The following CIBAR2 variants were observed in gnomAD, a reference collection of about 807,000 sequenced individuals.
The protein encoded by CIBAR2 is CBY1-interacting BAR domain-containing protein 2.
A neutral mutation model predicts 36.2 loss-of-function variants in CIBAR2; 38 were observed. The ratio of observed to expected loss-of-function variants is 1.05; its 90% CI spans 0.81 to 1.38. The LOEUF (loss-of-function observed/expected upper bound fraction) is 1.38, where lower values mean the gene tolerates loss of function less well. Among genes scored for constraint, CIBAR2 ranks in the 40% most tolerant of loss-of-function variants. The pLI is 0.00. For missense variants in CIBAR2, 481 were observed against 383.4 expected, an observed-to-expected ratio of 1.25 and a Z score of -2.13; for synonymous variants, 182 against 149.5, an observed-to-expected ratio of 1.22 and a Z score of -1.58.
rs952264241 is a variant in CIBAR2, at chr16:85,108,489, C to T, written c.256-390G>A. Among the ~76,000 whole-genome samples the T allele has an allele frequency of 9.2e-5, 14 of 152,332 alleles. No individual in the cohort carries two copies. In the East Asian group the frequency reaches 1.4e-3, roughly 15 times the overall value. On this transcript the variant is annotated intron_variant, in intron 2 of 8. Coordinates refer to ENST00000539556, the MANE Select transcript of CIBAR2 (RefSeq NM_198491.3). ...TCTCTCTACACGACAGCCCTGGCCC[C>T]GTCTCCCAACTGCCACACAGGGTGG... is the stretch of plus-strand genomic sequence containing the variant.
chr16:85,112,358 C>G lies in CIBAR2; in HGVS notation c.-6G>C. On this transcript the variant is annotated 5_prime_UTR_variant, in exon 1 of 9. Transcript: ENST00000539556. Reference sequence around the variant, plus strand: ...CTGGAGAAGACGATGTTCATTGTGACCAGAGCTTTGGCTGTCCCGGTGCTG... The same window carrying G: ...CTGGAGAAGACGATGTTCATTGTGAGCAGAGCTTTGGCTGTCCCGGTGCTG... 1 of 1,613,934 alleles carries G rather than the reference C, an allele frequency of 6.2e-7. No individual in the cohort carries two copies. The highest frequency in any genetic ancestry group is 8.5e-7 in the Non-Finnish European group (1 of 1,179,840).
rs867391873 is a variant in CIBAR2, at chr16:85,102,285, C to T, written c.580G>A (p.Ala194Thr). Residue 194 changes from alanine to threonine, a missense_variant, in exon 7 of 9, where the codon GCC becomes ACC. Ala to Thr is a moderately conservative substitution (Grantham distance 58, BLOSUM62 0). Coordinates refer to ENST00000539556, the MANE Select transcript of CIBAR2 (RefSeq NM_198491.3). ...CTAGAATACACCTCCACCGCTTTGG[C>T]ATGGAAAACCATCTCAATAGTTACA... ...DFVTIEMVFH[A>T]KAVEVYSSAF... 4 of 1,613,662 alleles carry T rather than the reference C, an allele frequency of 2.5e-6. No homozygotes were observed. Among genetic ancestry groups the T allele is most frequent in the Non-Finnish European group, 2.5e-6 (3 of 1,179,624 alleles).
chr16:85,101,397 C>T (rs2073954206), intron 7 of CIBAR2, among the ~76,000 whole-genome samples: 1 of 152,154 alleles, frequency 6.6e-6, no homozygotes, highest in African/African-American at 2.4e-5. Flanking sequence ...AAGACAGCCC[C>T]AGCCTCTGAC....
intron 5 of CIBAR2, 53 bp downstream of exon 5, chr16:85,107,614 G>GT: frequency 6.3e-7 from 1 of 1,595,528 alleles, no homozygotes; most frequent in Non-Finnish European, 8.6e-7. Flanking sequence ...TTGTGAGGTC[G>GT]TGTATTTCCT....
chr16:85,102,058 C>T (rs1195554567), intron 7 of CIBAR2, among the ~76,000 whole-genome samples, 156 bp downstream of exon 7: 1 of 152,196 alleles, frequency 6.6e-6, no homozygotes. Context: ...TTGGCACCCA[C>T]CCAGGGGCAG....
chr16:85,100,813 C>T (rs944228948), intron 7 of CIBAR2, among the ~76,000 whole-genome samples: 21 of 152,104 alleles, frequency 1.4e-4, no homozygotes, highest in African/African-American at 4.1e-4. Flanking sequence ...TTTGGGAGGC[C>T]GAGGCGGGCA....
rs1049174047 is a variant in CIBAR2, at chr16:85,112,454, T to C, written c.-102A>G. ...CCGGGCAGGGCTGGGTGCAGCTGTG[T>C]GGCCTGGGCTCAAGGGACGCTGCCA... On this transcript the variant is annotated 5_prime_UTR_variant, in exon 1 of 9. Transcript: ENST00000539556. The C allele has an allele frequency of 9.0e-6, 11 of 1,224,752 alleles. No homozygotes were observed. The African/African-American group carries it at 1.0e-4, about 12-fold the overall frequency. 75.9% of individuals were successfully genotyped at this position (1,224,752 alleles called of 1,614,324 possible).
chr16:85,106,030 C>T (rs1019385927), intron 5 of CIBAR2, among the ~76,000 whole-genome samples: 1 of 152,148 alleles, frequency 6.6e-6, no homozygotes, highest in Non-Finnish European at 1.5e-5. Context: ...AAACCACCTT[C>T]GTGTTTGTGA....
In CIBAR2 at chr16:85,108,048, G is replaced by C. The variant is rs763635630; in HGVS notation, c.307C>G (p.Gln103Glu). 6.2e-7 allele frequency: 1 copy of C among 1,613,652 alleles called. No individual in the cohort carries two copies. The highest frequency in any genetic ancestry group is 8.5e-7 in the Non-Finnish European group (1 of 1,179,724). ...VVNPLKLYGA[Q>E]IKQTRAEIKK... ...CGGCTCACCCGTGTCTGCTTGATCT[G>C]TGCCCCGTAGAGCTTCAGGGGGTTG... The change falls in exon 3 of 9, where the codon CAG becomes GAG. Residue 103 changes from glutamine to glutamate, a missense_variant. By Grantham distance (29) the Gln-to-Glu change is conservative. Transcript: ENST00000539556.
chr16:85,099,832 G>C (rs1375249716), intron 8 of CIBAR2, among the ~76,000 whole-genome samples: 1 of 147,558 alleles, frequency 6.8e-6, no homozygotes, highest in Non-Finnish European at 1.5e-5. Flanking sequence ...AGTAGAGATG[G>C]GGGTTTCAAC....
chr16:85,101,008 T>C (rs927668878), intron 7 of CIBAR2, among the ~76,000 whole-genome samples: 1 of 150,540 alleles, frequency 6.6e-6, no homozygotes, highest in Non-Finnish European at 1.5e-5. Flanking sequence ...ATAGTGCCAC[T>C]GCACTCCAGC....
At chr16:85,100,908 G>C (rs768688578) in intron 7 of CIBAR2, among the ~76,000 whole-genome samples, 1 of 152,294 alleles carries the variant, frequency 6.6e-6, no homozygotes, top group Admixed American at 6.5e-5. Context: ...TTAGCTGGGC[G>C]TGATGGAGGG....
Position 85,107,859 on chromosome 16 carries a change from T to C in CIBAR2, c.413A>G (p.Asp138Gly). 6.2e-7 allele frequency: 1 copy of C among 1,613,762 alleles called. No homozygotes were observed. The highest frequency in any genetic ancestry group is 8.5e-7 in the Non-Finnish European group (1 of 1,179,640). ...LEKLRQKSPS[D>G]QQMISQAETR... ...AGGGAAGGATACGATCATTTGCTGA[T>C]CCGAGGGTGACTTCTGCCTCAGTTT... is the stretch of plus-strand genomic sequence containing the variant. Residue 138 changes from aspartate (D) to glycine (G), a missense_variant, in exon 4 of 9, where the codon GAT becomes GGT. Coordinates refer to ENST00000539556, the MANE Select transcript of CIBAR2 (RefSeq NM_198491.3).
intron 4 of CIBAR2, 80 bp downstream of exon 4, chr16:85,107,766 C>T: frequency 6.3e-7 from 1 of 1,589,330 alleles, no homozygotes; most frequent in Non-Finnish European, 8.6e-7. Flanking sequence ...CGGGCCCAGG[C>T]AAAGAAAACC....
At position 85,107,924 on chromosome 16, in the gene CIBAR2, A is replaced by G; in HGVS notation, c.348T>C (p.His116=). The G allele has an allele frequency of 1.2e-6, 2 of 1,614,110 alleles. No homozygotes were observed. Among genetic ancestry groups the G allele is most frequent in the Non-Finnish European group, 1.7e-6 (2 of 1,179,960 alleles). Residue 116 remains histidine, a synonymous_variant, in exon 4 of 9, where the codon CAT becomes CAC. Coordinates refer to ENST00000539556, the MANE Select transcript of CIBAR2 (RefSeq NM_198491.3). ...QTRAEIKKFK[H]VQNHEIKQLE... ...GTTGTTTGATCTCATGATTTTGGAC[A>G]TGTTTGAATTTCTTGATCTCAGCCT...
At chr16:85,103,199 G>C (rs1032384087) in intron 6 of CIBAR2, among the ~76,000 whole-genome samples, 2 of 152,158 alleles carry the variant, frequency 1.3e-5, no homozygotes, top group African/African-American at 4.8e-5. Flanking sequence ...AAAAAGACTG[G>C]AGGGAGCTTT....
intron 7 of CIBAR2, among the ~76,000 whole-genome samples, chr16:85,100,733 A>G (rs532017634): frequency 4.6e-4 from 70 of 152,330 alleles, no homozygotes; most frequent in African/African-American, 1.7e-3. Context: ...ACACTGGGTT[A>G]CTGCTGAAGT....
rs778742106 is a variant in CIBAR2, at chr16:85,100,258, G to C, written c.652-18C>G. On this transcript the variant is annotated intron_variant, in intron 7 of 8. Transcript: ENST00000539556. ...CTAAAATCCTGCCGGGGAGAGACCA[G>C]GGTGGGTGGGATCCGATGGGAAAAC... 3 of 1,568,268 alleles carry C rather than the reference G, an allele frequency of 1.9e-6. No individual in the cohort carries two copies. Among genetic ancestry groups the C allele is most frequent in the Non-Finnish European group, 2.6e-6 (3 of 1,147,114 alleles).
At chr16:85,104,341 G>C (rs572944752) in intron 6 of CIBAR2, among the ~76,000 whole-genome samples, 79 of 152,350 alleles carry the variant, frequency 5.2e-4, no homozygotes, top group Admixed American at 2.0e-3. Flanking sequence ...AGGGATTTTG[G>C]TTCTAATCCT....
Sources: allele counts gnomAD v4.1 joint callset (sites outside exome capture counted in the v4.1 genomes callset), GRCh38; gene constraint gnomAD v4.1.1; transcripts MANE v1.5; gene names NCBI Gene and HGNC (gene_info 2026-07-23, HGNC 2026-07-21).